The following NSMAF variants were observed in gnomAD, a reference collection of about 807,000 sequenced individuals.
The protein encoded by NSMAF is neutral sphingomyelinase activation associated factor.
A neutral mutation model predicts 134.9 loss-of-function variants in NSMAF; 90 were observed. The ratio of observed to expected loss-of-function variants is 0.67; its 90% CI spans 0.56 to 0.79. NSMAF has a LOEUF of 0.79. Ranked by LOEUF, NSMAF falls within the 30% of genes least tolerant of loss-of-function variation. The probability of loss-of-function intolerance (pLI) is 0.00; values close to 1 mark genes in which losing one functional copy is unlikely to be tolerated. For synonymous variants in NSMAF, 358 were observed against 389.6 expected (o/e 0.92, Z 0.96); for missense variants, 1,010 against 1,119.0 (o/e 0.90, Z 1.39).
chr8:58,590,655 A>T (rs1806000393), intron 24 of NSMAF, among the ~76,000 whole-genome samples: 1 of 152,218 alleles, frequency 6.6e-6, no homozygotes, highest in African/African-American at 2.4e-5. Flanking sequence ...AAGTATTTTA[A>T]GCTAAAAATG....
chr8:58,593,853 T>C (rs556216619), intron 23 of NSMAF, among the ~76,000 whole-genome samples: 1 of 152,234 alleles, frequency 6.6e-6, no homozygotes, highest in South Asian at 2.1e-4. Flanking sequence ...TAACAGCAAA[T>C]CTGCATTTCC....
intron 14 of NSMAF, among the ~76,000 whole-genome samples, chr8:58,601,822 CAT>C (rs1223445034): frequency 1.3e-5 from 2 of 152,168 alleles, no homozygotes; most frequent in Non-Finnish European, 2.9e-5. Flanking sequence ...AGAATGCCTT[CAT>C]GAAAATAATT....
chr8:58,621,215 C>T (rs1447840504), intron 9 of NSMAF, among the ~76,000 whole-genome samples: 1 of 152,096 alleles, frequency 6.6e-6, no homozygotes, highest in African/African-American at 2.4e-5. Context: ...TTTCTATTCC[C>T]ACATTAATTT....
chr8:58,597,107 A>G (rs1806153988), intron 21 of NSMAF, among the ~76,000 whole-genome samples: 1 of 152,230 alleles, frequency 6.6e-6, no homozygotes, highest in South Asian at 2.1e-4. Flanking sequence ...TCAAAACCAC[A>G]GAAGAGAAAG....
Position 58,635,539 on chromosome 8 carries a change from T to G in NSMAF, c.157A>C (p.Arg53=), listed in dbSNP as rs1807154409. The G allele has an allele frequency of 6.3e-7, 1 of 1,595,964 alleles. No homozygotes were observed. The highest frequency in any genetic ancestry group is 1.4e-5 in the African/African-American group (1 of 74,060). ...HKGSHHERKI[R]GSLKICSKSV... ...TTTGAACATATTTTTAAGGAGCCTC[T>G]GATTTTCCTAGGGATCCAAGTACAA... Residue 53 remains arginine, a synonymous_variant, in exon 3 of 31, where the codon AGA becomes CGA. Transcript: ENST00000038176.
intron 21 of NSMAF, among the ~76,000 whole-genome samples, chr8:58,596,775 A>G (rs1319464014): frequency 6.6e-6 from 1 of 152,048 alleles, no homozygotes; most frequent in Non-Finnish European, 1.5e-5. Context: ...TAAAAATACA[A>G]AAATTAGCCG....
intron 26 of NSMAF, chr8:58,588,660 G>A (rs1805950672): frequency 2.4e-5 from 37 of 1,538,454 alleles, no homozygotes; most frequent in Non-Finnish European, 3.1e-5. Context: ...ATTTCTTAAT[G>A]GCCTTGTCCT....
chr8:58,657,554 A>G (rs2129149310), intron 1 of NSMAF, among the ~76,000 whole-genome samples: 1 of 152,386 alleles, frequency 6.6e-6, no homozygotes, highest in Admixed American at 6.5e-5. Context: ...GCCTTAAAAT[A>G]TTCCTCTGTT....
chr8:58,607,841 C>G lies in NSMAF; in HGVS notation c.688-1G>C. The G allele has an allele frequency of 6.2e-7, 1 of 1,613,050 alleles. No homozygotes were observed. The highest frequency in any genetic ancestry group is 8.5e-7 in the Non-Finnish European group (1 of 1,179,048). The stretch of plus-strand genomic sequence containing the variant: ...GGAGTGTTATCTGGACCACAGGTTT[C>G]TTTAAAAGTAGAAAGACAATCTCAA... On this transcript the variant is annotated splice_acceptor_variant, in intron 10 of 30. Coordinates refer to ENST00000038176, the MANE Select transcript of NSMAF (RefSeq NM_003580.4). LOFTEE classifies it high-confidence loss of function.
intron 19 of NSMAF, among the ~76,000 whole-genome samples, chr8:58,598,656 A>G (rs1270942724): frequency 2.0e-5 from 3 of 152,198 alleles, no homozygotes; most frequent in African/African-American, 7.2e-5. Context: ...GACTTTATAA[A>G]AAGACCTCTT....
intron 2 of NSMAF, chr8:58,640,160 T>A (rs1050891460): frequency 1.6e-5 from 7 of 440,934 alleles, no homozygotes; most frequent in Non-Finnish European, 2.7e-5. Context: ...ACACTTGAAA[T>A]TGGCTCAGAG....
intron 12 of NSMAF, among the ~76,000 whole-genome samples, 168 bp downstream of exon 12, chr8:58,605,758 TA>T (rs542355508): frequency 1.2e-3 from 180 of 151,808 alleles, no homozygotes; most frequent in African/African-American, 3.9e-3. Context: ...CGGGCACCTG[TA>T]GTCCCAGCTA....
intron 21 of NSMAF, among the ~76,000 whole-genome samples, chr8:58,596,662 G>C (rs1483058887): frequency 6.6e-6 from 1 of 152,220 alleles, no homozygotes; most frequent in Non-Finnish European, 1.5e-5. Flanking sequence ...GAGCGCGGTG[G>C]CTCAGGCCTG....
At chr8:58,622,744 G>A (rs1321803595) in intron 9 of NSMAF, among the ~76,000 whole-genome samples, 2 of 151,984 alleles carry the variant, frequency 1.3e-5, no homozygotes, top group African/African-American at 2.4e-5. Context: ...ATGTTGCCCA[G>A]GCTGGTCTCA....
rs1350603586 is a variant in NSMAF at position 58,635,510 on chromosome 8, C to A, written c.186G>T (p.Ser62=). ...IRGSLKICSK[S]VIFEPDSISQ... is the part of the protein sequence containing the mutation. Reference sequence around the variant, plus strand: ...ATATTGAATCTGGTTCAAAAATCACCGATTTTGAACATATTTTTAAGGAGC... The same window carrying A: ...ATATTGAATCTGGTTCAAAAATCACAGATTTTGAACATATTTTTAAGGAGC... Residue 62 remains serine (S), a synonymous_variant, in exon 3 of 31, where the codon TCG becomes TCT. Coordinates refer to ENST00000038176, the MANE Select transcript of NSMAF (RefSeq NM_003580.4). 5 of 1,604,832 alleles carry A rather than the reference C, an allele frequency of 3.1e-6. No individual in the cohort carries two copies. Among genetic ancestry groups the A allele is most frequent in the Non-Finnish European group, 3.4e-6 (4 of 1,176,788 alleles).
chr8:58,604,548 G>GAT (rs1554574190), intron 12 of NSMAF, among the ~76,000 whole-genome samples: 3 of 110,918 alleles, frequency 2.7e-5, no homozygotes, highest in Non-Finnish European at 5.9e-5. Context: ...TAACTACATA[G>GAT]ATATATATAA....
At chr8:58,610,147 G>C (rs1806494866) in intron 9 of NSMAF, among the ~76,000 whole-genome samples, 1 of 152,198 alleles carries the variant, frequency 6.6e-6, no homozygotes, top group African/African-American at 2.4e-5. Context: ...ATAAGGCTCT[G>C]ACTACATAAT....
intron 12 of NSMAF, among the ~76,000 whole-genome samples, chr8:58,604,013 A>T (rs758408986): frequency 6.6e-6 from 1 of 152,204 alleles, no homozygotes; most frequent in African/African-American, 2.4e-5. Flanking sequence ...AAATGCAGCA[A>T]TGAGAACTTC....
At chr8:58,594,194 G>T (rs769577164) in intron 23 of NSMAF, 38 bp downstream of exon 23, 80 of 1,587,628 alleles carry the variant, frequency 5.0e-5, no homozygotes, top group South Asian at 4.1e-4. Flanking sequence ...GACATTCTAG[G>T]ATTTTGGTTA....
Sources: gnomAD v4.1 joint callset for allele counts (sites outside exome capture counted in the v4.1 genomes callset) on GRCh38, gnomAD v4.1.1 for gene constraint, MANE v1.5 for transcripts, NCBI Gene and HGNC (gene_info 2026-07-23, HGNC 2026-07-21) for gene names.